Variants in ADISSP observed in about 807,000 individuals in gnomAD.
ADISSP encodes adipose-secreted signaling protein.
the ADISSP span, among the ~76,000 whole-genome samples, chr20:3,754,773 G>T: frequency 6.6e-6 from 1 of 152,246 alleles, no homozygotes; most frequent in African/African-American, 2.4e-5. Flanking sequence ...CTCCAAGAGT[G>T]AATGAAGTAG....
chr20:3,766,611 G>T, the ADISSP span, among the ~76,000 whole-genome samples: 1 of 152,202 alleles, frequency 6.6e-6, no homozygotes, highest in Non-Finnish European at 1.5e-5. Flanking sequence ...CCTGCCCTGG[G>T]CCTGTGATCC....
chr20:3,758,611 G>A, the ADISSP span: 109 of 1,613,956 alleles, frequency 6.8e-5, no homozygotes, highest in African/African-American at 1.2e-4. This position sits in a 1 kb window ranked among gnomAD's most constrained non-coding sequence, Gnocchi z 5.5. Context: ...CAAAGTGGAC[G>A]TGGCTGTGGG....
chr20:3,764,480 A>G, the ADISSP span, among the ~76,000 whole-genome samples: 36,744 of 151,974 alleles, frequency 0.24, 4,701 homozygotes, highest in African/African-American at 0.31. Context: ...GCCAGGAACA[A>G]TCCCGTCCCT....
At chr20:3,759,862 A>G in the ADISSP span, 1 of 692,970 alleles carries the variant, frequency 1.4e-6, no homozygotes, top group Admixed American at 2.3e-5. The surrounding 1 kb of genome is among the most constrained non-coding windows in gnomAD (Gnocchi z 4.6). Context: ...CTAAGGAGTC[A>G]GCAGGGCTCT....
chr20:3,765,119 A>T, the ADISSP span, among the ~76,000 whole-genome samples: 2 of 152,232 alleles, frequency 1.3e-5, no homozygotes, highest in African/African-American at 4.8e-5. Flanking sequence ...TCAGGAACCC[A>T]AAGGAAACTG....
At chr20:3,761,398 C>T in the ADISSP span, among the ~76,000 whole-genome samples, 4 of 151,488 alleles carry the variant, frequency 2.6e-5, no homozygotes, top group East Asian at 7.8e-4. Context: ...TGCAATGGCA[C>T]GATCTCGGCT....
At chr20:3,754,629 C>T in the ADISSP span, 4 of 1,173,962 alleles carry the variant, frequency 3.4e-6, no homozygotes, top group South Asian at 5.3e-5. Flanking sequence ...ATGCTAAGCC[C>T]CCCCAAGAAA....
chr20:3,766,618 A>T, the ADISSP span, among the ~76,000 whole-genome samples: 1 of 152,162 alleles, frequency 6.6e-6, no homozygotes, highest in African/African-American at 2.4e-5. Flanking sequence ...TGGGCCTGTG[A>T]TCCAGAGGTC....
At chr20:3,757,819 G>A in the ADISSP span, among the ~76,000 whole-genome samples, 1 of 152,040 alleles carries the variant, frequency 6.6e-6, no homozygotes, top group Non-Finnish European at 1.5e-5. Flanking sequence ...AGTAGAGACG[G>A]GTTTCGACCC....
At chr20:3,765,726 C>T in the ADISSP span, among the ~76,000 whole-genome samples, 3 of 152,138 alleles carry the variant, frequency 2.0e-5, no homozygotes, top group Non-Finnish European at 4.4e-5. Flanking sequence ...TCCTGCCTCC[C>T]CCTTCTCCCA....
At chr20:3,762,888 CT>C in the ADISSP span, among the ~76,000 whole-genome samples, 1 of 150,446 alleles carries the variant, frequency 6.6e-6, no homozygotes, top group Non-Finnish European at 1.5e-5. Context: ...GACAACTGAC[CT>C]GTTTTTTTCA....
chr20:3,753,657 A>G, the ADISSP span: 1 of 258,556 alleles, frequency 3.9e-6, no homozygotes, highest in Non-Finnish European at 7.7e-6. Flanking sequence ...GAGGGGCAGG[A>G]GAGGTGGCTG....
chr20:3,754,523 C>T, the ADISSP span: 1 of 1,611,078 alleles, frequency 6.2e-7, no homozygotes, highest in Non-Finnish European at 8.5e-7. Context: ...CTATAACCTG[C>T]CCGGGGACAG....
the ADISSP span, among the ~76,000 whole-genome samples, chr20:3,759,085 C>A: frequency 2.6e-5 from 4 of 152,220 alleles, no homozygotes; most frequent in Non-Finnish European, 5.9e-5. This position sits in a 1 kb window ranked among gnomAD's most constrained non-coding sequence, Gnocchi z 4.6. Context: ...TGGGGCCTAC[C>A]CCTAAGCTGT....
chr20:3,763,553 G>A, the ADISSP span, among the ~76,000 whole-genome samples: 6 of 91,826 alleles, frequency 6.5e-5, no homozygotes, highest in African/African-American at 2.1e-4. Flanking sequence ...GCAAAACTCC[G>A]TCTCAAAAAA....
chr20:3,754,092 T>C, the ADISSP span: 1 of 1,613,082 alleles, frequency 6.2e-7, no homozygotes, highest in African/African-American at 1.3e-5. Context: ...GTGCTCTGAG[T>C]CGTATTCCAG....
chr20:3,762,583 C>A, the ADISSP span, among the ~76,000 whole-genome samples: 22 of 152,212 alleles, frequency 1.4e-4, no homozygotes, highest in South Asian at 4.1e-4. Context: ...AACTCCGGAG[C>A]TTAAGCGATC....
At chr20:3,761,641 C>G in the ADISSP span, among the ~76,000 whole-genome samples, 1 of 152,076 alleles carries the variant, frequency 6.6e-6, no homozygotes, top group Non-Finnish European at 1.5e-5. Flanking sequence ...TGGCCGAGGA[C>G]CTGGTGTTTA....
chr20:3,763,526 TAG>T, the ADISSP span, among the ~76,000 whole-genome samples: 1 of 131,904 alleles, frequency 7.6e-6, no homozygotes, highest in East Asian at 2.2e-4. Context: ...CACTGCACTC[TAG>T]CCTGGGCAAA....
Sources: allele counts gnomAD v4.1 joint callset (sites outside exome capture counted in the v4.1 genomes callset), GRCh38; gene constraint gnomAD v4.1.1; non-coding constraint Gnocchi (gnomAD v3.1); transcripts MANE v1.5; gene names NCBI Gene and HGNC (gene_info 2026-07-23, HGNC 2026-07-21).